TDRD1: variants seen among roughly 807,000 people sequenced by gnomAD.
TDRD1 encodes the protein tudor domain containing 1.
A neutral mutation model predicts 140.6 loss-of-function variants in TDRD1; 37 were observed. The observed-to-expected ratio is 0.26, with a 90% CI of 0.20 to 0.35. The LOEUF is 0.35. Ranked by LOEUF, TDRD1 falls within the 10% of genes least tolerant of loss-of-function variation. The pLI is 1.00. For synonymous variants in TDRD1, 506 were observed against 475.7 expected, an observed-to-expected ratio of 1.06 and a Z score of -0.83; for missense variants, 1,243 against 1,393.0, an observed-to-expected ratio of 0.89 and a Z score of 1.71.
chr10:114,193,447 C>A (rs1268069688), intron 3 of TDRD1, among the ~76,000 whole-genome samples: 1 of 152,002 alleles, frequency 6.6e-6, no homozygotes, highest in East Asian at 1.9e-4. Flanking sequence ...CATGCACCCC[C>A]ATACTTGGCT....
intron 15 of TDRD1, among the ~76,000 whole-genome samples, 168 bp downstream of exon 15, chr10:114,213,756 G>A (rs904019296): frequency 9.9e-5 from 15 of 152,096 alleles, no homozygotes; most frequent in African/African-American, 3.4e-4. Context: ...AAATTTTATG[G>A]GGAGTTTTAT....
At position 114,229,493 on chromosome 10, in the gene TDRD1, A is replaced by G. The variant is rs187141340; in HGVS notation, c.3538+1368A>G. Among the ~76,000 whole-genome samples, 13 of 152,192 alleles carry G rather than the reference A, an allele frequency of 8.5e-5. No homozygotes were observed. The East Asian group carries it at 2.3e-3, about 27-fold the overall frequency. On this transcript the variant is annotated intron_variant, in intron 25 of 25. Coordinates refer to ENST00000251864, the Ensembl canonical transcript of TDRD1. The stretch of plus-strand genomic sequence containing the variant: ...TTATTACAACTTTCAGTCCTTTCTA[A>G]TACATTGTCTTAATACTGACTGTTT...
At chr10:114,194,269 T>C (rs1366519966) in intron 3 of TDRD1, among the ~76,000 whole-genome samples, 1 of 152,214 alleles carries the variant, frequency 6.6e-6, no homozygotes, top group African/African-American at 2.4e-5. Flanking sequence ...ATAGAATTGG[T>C]GTTAATTCTT....
intron 3 of TDRD1, among the ~76,000 whole-genome samples, chr10:114,198,573 C>T (rs2034523411): frequency 1.3e-5 from 2 of 152,176 alleles, no homozygotes; most frequent in Admixed American, 1.3e-4. Flanking sequence ...TGGAGTAGAG[C>T]AGTTAATGTT....
At chr10:114,206,354 G>C (rs187595373) in intron 11 of TDRD1, 24 bp downstream of exon 11, 3 of 1,587,414 alleles carry the variant, frequency 1.9e-6, no homozygotes, top group Non-Finnish European at 2.6e-6. Context: ...GATATTGAAC[G>C]GTATAGCGAC....
chr10:114,221,766 A>C (rs2036159489), intron 20 of TDRD1, among the ~76,000 whole-genome samples: 1 of 152,226 alleles, frequency 6.6e-6, no homozygotes, highest in Non-Finnish European at 1.5e-5. Flanking sequence ...CATTATCTAT[A>C]TTGAATCATA....
At chr10:114,210,546 C>A in intron 11 of TDRD1, 35 bp from the exon 12 acceptor site, 1 of 1,527,158 alleles carries the variant, frequency 6.5e-7, no homozygotes, top group Non-Finnish European at 8.8e-7. Flanking sequence ...TGGATGAAAA[C>A]AAAATGGCTT....
exon 10 of TDRD1, chr10:114,204,740 G>C (rs767364048): frequency 3.6e-5 from 57 of 1,590,966 alleles, no homozygotes; most frequent in Non-Finnish European, 4.7e-5. Context: ...GTGCTTTGTA[G>C]CCAATGTTAT....
intron 8 of TDRD1, 100 bp downstream of exon 8, chr10:114,203,667 C>A: frequency 1.9e-6 from 2 of 1,079,800 alleles, no homozygotes; most frequent in Non-Finnish European, 2.6e-6. Flanking sequence ...AGGCTTAAAG[C>A]CAGCCTCTGA....
exon 15 of TDRD1, chr10:114,213,445 T>C: frequency 6.2e-7 from 1 of 1,614,084 alleles, no homozygotes; most frequent in Non-Finnish European, 8.5e-7. Context: ...GTGGACAAGT[T>C]GGAAAACAGT....
At chr10:114,223,843 C>T (rs2036286535) in intron 21 of TDRD1, among the ~76,000 whole-genome samples, 1 of 152,196 alleles carries the variant, frequency 6.6e-6, no homozygotes, top group Non-Finnish European at 1.5e-5. Context: ...ACTTTCTCAA[C>T]ATTACCATAT....
intron 20 of TDRD1, among the ~76,000 whole-genome samples, chr10:114,222,221 A>T (rs1369771898): frequency 6.6e-6 from 1 of 152,214 alleles, no homozygotes; most frequent in African/African-American, 2.4e-5. Flanking sequence ...TGAATTGGAA[A>T]TGCTATTGAG....
rs1247703812 is a variant in TDRD1, at chr10:114,208,013, G to A, written c.1384+1683G>A. On this transcript the variant is annotated intron_variant, in intron 11 of 25. Coordinates refer to ENST00000251864, the Ensembl canonical transcript of TDRD1. ...TGCAATAAAGCCATCTGGAAGTGAT[G>A]CCACACGGAGCAGGAAATAACCAGG... Among the ~76,000 whole-genome samples the A allele has an allele frequency of 3.3e-5, 5 of 152,028 alleles. No individual in the cohort carries two copies. In the East Asian group the frequency reaches 9.7e-4, roughly 30 times the overall value.
At chr10:114,203,679 C>CA (rs2034912692) in intron 8 of TDRD1, 112 bp downstream of exon 8, 2 of 948,666 alleles carry the variant, frequency 2.1e-6, no homozygotes, top group Non-Finnish European at 3.1e-6. Flanking sequence ...AGCCTCTGAT[C>CA]ACGCTTCTAT....
chr10:114,189,746 C>T (rs1029144710), intron 2 of TDRD1, among the ~76,000 whole-genome samples: 13 of 152,176 alleles, frequency 8.5e-5, no homozygotes, highest in South Asian at 4.1e-4. Flanking sequence ...CATGAACCAC[C>T]GCACCAGGCC....
At chr10:114,217,409 A>G in intron 16 of TDRD1, 136 bp from the exon 17 acceptor site, 1 of 503,362 alleles carries the variant, frequency 2.0e-6, no homozygotes, top group South Asian at 3.5e-5. Flanking sequence ...AAGGAAAAGC[A>G]TTGGGTAGAC....
chr10:114,224,180 T>G (rs943035834), intron 21 of TDRD1, among the ~76,000 whole-genome samples: 11 of 152,236 alleles, frequency 7.2e-5, no homozygotes, highest in Non-Finnish European at 1.5e-4. Flanking sequence ...AATAGTTAAT[T>G]GATAGGTTGC....
At position 114,203,365 on chromosome 10, in the gene TDRD1, CTCT is replaced by C; in HGVS notation, c.802-21_802-19del. The C allele has an allele frequency of 2.6e-6, 4 of 1,552,394 alleles. No individual in the cohort carries two copies. Among genetic ancestry groups the C allele is most frequent in the Non-Finnish European group, 3.5e-6 (4 of 1,155,456 alleles). ...TCCTTGTGTGCCTTATGAATTATTC[CTCT>C]TTTTTTTTATCTTTGAAAGGGTACG... On this transcript the variant is annotated intron_variant, in intron 7 of 25. Transcript: ENST00000251864.
intron 25 of TDRD1, among the ~76,000 whole-genome samples, chr10:114,231,229 T>G (rs2036735754): frequency 6.6e-6 from 1 of 152,224 alleles, no homozygotes; most frequent in South Asian, 2.1e-4. Flanking sequence ...CACAAGTTAA[T>G]GTCAGATATC....
Sources: gnomAD v4.1 joint callset for allele counts (sites outside exome capture counted in the v4.1 genomes callset) on GRCh38, gnomAD v4.1.1 for gene constraint, MANE v1.5 for transcripts, NCBI Gene and HGNC (gene_info 2026-07-23, HGNC 2026-07-21) for gene names.